Variants in ITPK1 observed in about 807,000 individuals in gnomAD.
ITPK1 encodes inositol 1,3,4-trisphosphate 5/6-kinase.
Under a neutral mutation model 45.3 loss-of-function variants are expected in ITPK1, and 21 were observed. That is an observed-to-expected ratio of 0.46 (90% confidence interval 0.33 to 0.67). The LOEUF (loss-of-function observed/expected upper bound fraction) is 0.67, where lower values mean the gene tolerates loss of function less well. ITPK1 is among the 30% of genes least tolerant of loss of function. The pLI is 0.02. For synonymous variants in ITPK1, 258 were observed against 253.6 expected (o/e 1.02, Z -0.16); for missense variants, 474 against 573.5 (o/e 0.83, Z 1.77).
chr14:93,066,320 ATGTGTGTGTG>A (rs755050138), intron 3 of ITPK1: 12 of 421,166 alleles, frequency 2.8e-5, no homozygotes, highest in Non-Finnish European at 4.2e-5. Flanking sequence ...GTGTGTGTGT[ATGTGTGTGTG>A]TGTGTGTGTG....
intron 2 of ITPK1, among the ~76,000 whole-genome samples, chr14:93,096,895 G>A (rs962523123): frequency 9.8e-5 from 15 of 152,300 alleles, no homozygotes; most frequent in African/African-American, 3.6e-4. Flanking sequence ...GGACACTGAC[G>A]TCACCGAGTC....
chr14:93,093,481 G>A (rs1891945023), intron 2 of ITPK1, among the ~76,000 whole-genome samples: 2 of 152,100 alleles, frequency 1.3e-5, no homozygotes, highest in African/African-American at 4.8e-5. Context: ...ATGAAGTCAG[G>A]CCTTGACCTC....
At chr14:93,043,593 T>C (rs981494440) in intron 3 of ITPK1, among the ~76,000 whole-genome samples, 2 of 152,224 alleles carry the variant, frequency 1.3e-5, no homozygotes, top group African/African-American at 4.8e-5. Context: ...AAGAACAAAG[T>C]GCACCAGGCA....
At chr14:93,096,901 G>A (rs1334224981) in intron 2 of ITPK1, among the ~76,000 whole-genome samples, 1 of 152,178 alleles carries the variant, frequency 6.6e-6, no homozygotes, top group East Asian at 1.9e-4. Context: ...TGACGTCACC[G>A]AGTCCCTTGG....
At chr14:93,111,514 C>T (rs1392957233) in intron 2 of ITPK1, among the ~76,000 whole-genome samples, 1 of 152,022 alleles carries the variant, frequency 6.6e-6, no homozygotes, top group East Asian at 1.9e-4. Context: ...AGTTCGAGAC[C>T]AGCCTGGACA....
In ITPK1 at chr14:93,010,747, G is replaced by A. The variant is rs1077125; in HGVS notation, c.246+5929C>T. Among the ~76,000 whole-genome samples, 399 of 152,334 alleles carry A rather than the reference G, an allele frequency of 2.6e-3. 2 individuals carry two copies. Among genetic ancestry groups the A allele is most frequent in the African/African-American group, 8.9e-3 (369 of 41,564 alleles). The stretch of plus-strand genomic sequence containing the variant: ...TAATAATAATATTGACATAAGCCAC[G>A]GTGACTGATGGTTCACTAGGCGCCG... On this transcript the variant is annotated intron_variant, in intron 4 of 10. Coordinates refer to ENST00000267615, the MANE Select transcript of ITPK1 (RefSeq NM_014216.6).
chr14:93,039,718 C>T (rs1191047475), intron 3 of ITPK1, among the ~76,000 whole-genome samples: 1 of 152,224 alleles, frequency 6.6e-6, no homozygotes, highest in African/African-American at 2.4e-5. Context: ...CCGTCTCAGC[C>T]CCACACCCTG....
chr14:92,970,674 C>T (rs1474000103), intron 5 of ITPK1, among the ~76,000 whole-genome samples: 3 of 150,724 alleles, frequency 2.0e-5, no homozygotes, highest in Non-Finnish European at 4.4e-5. Flanking sequence ...CTCGCTCTGT[C>T]GCCCAGGCTG....
At chr14:92,969,942 G>A (rs932325756) in intron 5 of ITPK1, among the ~76,000 whole-genome samples, 8 of 152,204 alleles carry the variant, frequency 5.3e-5, no homozygotes, top group Admixed American at 2.6e-4. Context: ...ACGTGGAGAT[G>A]GGCAAGTCCC....
At chr14:93,020,347 C>T (rs550918846) in intron 3 of ITPK1, among the ~76,000 whole-genome samples, 3 of 152,314 alleles carry the variant, frequency 2.0e-5, no homozygotes, top group Admixed American at 1.3e-4. Flanking sequence ...GTGGGCCAGG[C>T]AGACAGGCCT....
intron 4 of ITPK1, among the ~76,000 whole-genome samples, chr14:93,001,710 T>G (rs530611883): frequency 8.5e-5 from 13 of 152,290 alleles, no homozygotes; most frequent in Non-Finnish European, 1.6e-4. Flanking sequence ...TCCTTATGGC[T>G]GTTAAAAGTA....
chr14:93,004,966 G>C (rs991915141), intron 4 of ITPK1, among the ~76,000 whole-genome samples: 3 of 152,104 alleles, frequency 2.0e-5, no homozygotes, highest in Admixed American at 1.3e-4. Context: ...CAGGGCTGGG[G>C]CGGACGGCAG....
At chr14:93,066,250 CAGG>C (rs1362709301) in intron 3 of ITPK1, 4 of 455,804 alleles carry the variant, frequency 8.8e-6, no homozygotes, top group African/African-American at 2.0e-5. Context: ...GTCCCAGCCT[CAGG>C]AGGACACACC....
intron 2 of ITPK1, among the ~76,000 whole-genome samples, chr14:93,104,524 G>A (rs1892447417): frequency 6.6e-6 from 1 of 152,080 alleles, no homozygotes; most frequent in South Asian, 2.1e-4. Context: ...GCTGGATGCT[G>A]TGTTGAAGAC....
chr14:92,991,535 GGT>G (rs1886789706), intron 5 of ITPK1, among the ~76,000 whole-genome samples: 1 of 152,050 alleles, frequency 6.6e-6, no homozygotes, highest in Non-Finnish European at 1.5e-5. Flanking sequence ...TCCCCTTATG[GGT>G]AGCTCCTAAA....
chr14:93,004,672 G>A lies in ITPK1; in HGVS notation c.247-10675C>T, dbSNP rs1205010307. Among the ~76,000 whole-genome samples the A allele has an allele frequency of 2.0e-5, 3 of 152,104 alleles. No homozygotes were observed. In the East Asian group the frequency reaches 5.8e-4, roughly 29 times the overall value. ...TGGATGTCACCTATTCAGCTATAGA[G>A]CAGCCACATTCTCCCCACCCTCCCA... is the stretch of plus-strand genomic sequence containing the variant. On this transcript the variant is annotated intron_variant, in intron 4 of 10. Transcript: ENST00000267615.
chr14:93,083,025 A>G (rs926058733), intron 2 of ITPK1, among the ~76,000 whole-genome samples: 4 of 152,190 alleles, frequency 2.6e-5, no homozygotes, highest in African/African-American at 9.7e-5. Context: ...AGTGGTTACC[A>G]CTTCTGAAGA....
rs1477413442 is a variant in ITPK1, at chr14:93,068,976, C to T, written c.120+7619G>A. 3 of 152,498 alleles carry T rather than the reference C, an allele frequency of 2.0e-5. No individual in the cohort carries two copies. In the East Asian group the frequency reaches 5.8e-4, roughly 29 times the overall value. The allele number at this position is 152,498 out of a possible 1,614,324, so 9.4% of individuals were successfully genotyped here. A position where few individuals can be genotyped will look rare whatever the true frequency, so the allele number is the denominator to read the frequency against. On this transcript the variant is annotated intron_variant, in intron 3 of 10. Transcript: ENST00000267615. Reference sequence around the variant, plus strand: ...GGCTTTCCCTCCCTGGCGGCTGCTCCTCCTGCACCCCCATGCCCAGGCACT... The same window carrying T: ...GGCTTTCCCTCCCTGGCGGCTGCTCTTCCTGCACCCCCATGCCCAGGCACT...
chr14:93,000,479 A>C (rs532373423), intron 4 of ITPK1, among the ~76,000 whole-genome samples: 1 of 152,324 alleles, frequency 6.6e-6, no homozygotes, highest in South Asian at 2.1e-4. Flanking sequence ...TAAAGAAACC[A>C]AGTTTCTGAG....
Sources: gnomAD v4.1 joint callset for allele counts (sites outside exome capture counted in the v4.1 genomes callset) on GRCh38, gnomAD v4.1.1 for gene constraint, MANE v1.5 for transcripts, NCBI Gene and HGNC (gene_info 2026-07-23, HGNC 2026-07-21) for gene names.